The following HYOU1 variants were observed in gnomAD, a reference collection of about 807,000 sequenced individuals.
HYOU1 encodes hypoxia up-regulated 1, also known as hypoxia up-regulated protein 1.
Under a neutral mutation model 120.5 loss-of-function variants are expected in HYOU1, and 40 were observed. That is an observed-to-expected ratio of 0.33 (90% confidence interval 0.26 to 0.43). HYOU1 has a LOEUF of 0.43. Ranked by LOEUF, HYOU1 falls within the 20% of genes least tolerant of loss-of-function variation. The pLI is 1.00. For synonymous variants in HYOU1, 501 were observed against 479.4 expected, an observed-to-expected ratio of 1.05 and a Z score of -0.59; for missense variants, 1,085 against 1,278.3, an observed-to-expected ratio of 0.85 and a Z score of 2.31.
At position 119,052,873 on chromosome 11, in the gene HYOU1, A is replaced by G. The variant is rs2133596430; in HGVS notation, c.795-44T>C. 1.3e-6 allele frequency: 2 copies of G among 1,558,724 alleles called. No homozygotes were observed. Among genetic ancestry groups the G allele is most frequent in the Admixed American group, 3.6e-5 (2 of 55,000 alleles). ...AGGGAAAAAAGTGAAGAACACATGGAGTCCCCGCATCTGCACAGGAGCCTC... is the reference window on the plus strand; with the variant it reads ...AGGGAAAAAAGTGAAGAACACATGGGGTCCCCGCATCTGCACAGGAGCCTC... On this transcript the variant is annotated intron_variant, in intron 8 of 25. Transcript: ENST00000617285. The surrounding 1 kb of genome is among the most constrained non-coding windows in gnomAD (Gnocchi z 5.0).
At position 119,048,868 on chromosome 11, in the gene HYOU1, CTGCCTT is replaced by C; in HGVS notation, c.2005_2010del (p.Lys669_Ala670del). ...GGAGCGACGCCCTCAGGCCCTGCCTCTGCCTTCTCACTTGGTTTCTGGGTGGGAAGA... is the reference window on the plus strand; with the variant it reads ...GGAGCGACGCCCTCAGGCCCTGCCTCCTCACTTGGTTTCTGGGTGGGAAGA... On this transcript the variant is annotated inframe_deletion, in exon 18 of 26. Transcript: ENST00000617285. The surrounding 1 kb of genome is among the most constrained non-coding windows in gnomAD (Gnocchi z 4.7). 3 of 1,608,412 alleles carry C rather than the reference CTGCCTT, an allele frequency of 1.9e-6. No homozygotes were observed. The highest frequency in any genetic ancestry group is 2.5e-6 in the Non-Finnish European group (3 of 1,177,720).
At chr11:119,050,516 A>T (rs1315348209) in intron 14 of HYOU1, among the ~76,000 whole-genome samples, 1 of 34 alleles carries the variant, frequency 0.029, no homozygotes, top group Admixed American at 0.17. Flanking sequence ...CAGGAGTTAG[A>T]GACCAGTCTG....
rs2133582973 is a variant in HYOU1 at position 119,051,175 on chromosome 11, T to A, written c.1527-2A>T. Reference sequence around the variant, plus strand: ...GTCAGATTCTGGGAGCCAAATACCCTGGTTGGGAAGGAAAGAGGAGTTCAG... The same window carrying A: ...GTCAGATTCTGGGAGCCAAATACCCAGGTTGGGAAGGAAAGAGGAGTTCAG... On this transcript the variant is annotated splice_acceptor_variant, in intron 13 of 25. Coordinates refer to ENST00000617285, the MANE Select transcript of HYOU1 (RefSeq NM_006389.5). LOFTEE classifies it high-confidence loss of function. The surrounding 1 kb of genome is among the most constrained non-coding windows in gnomAD (Gnocchi z 4.2). The A allele has an allele frequency of 6.2e-7, 1 of 1,614,210 alleles. No individual in the cohort carries two copies.
At chr11:119,054,294 C>G (rs1944623959) in intron 7 of HYOU1, 58 bp from the exon 8 acceptor site, 1 of 1,398,408 alleles carries the variant, frequency 7.2e-7, no homozygotes, top group East Asian at 2.3e-5. Context: ...GGGGGCCTGC[C>G]TGCCCACCCA....
chr11:119,048,993 C>A lies in HYOU1; in HGVS notation c.1992+25G>T. 1.2e-6 allele frequency: 2 copies of A among 1,613,462 alleles called. No individual in the cohort carries two copies. Among genetic ancestry groups the A allele is most frequent in the East Asian group, 2.2e-5 (1 of 44,886 alleles). ...TGCTCCCTTAGCCTCTGGATCCACA[C>A]TGGCCTTCCTCTGCCACAGCTCACC... On this transcript the variant is annotated intron_variant, in intron 17 of 25. Transcript: ENST00000617285. This position sits in a 1 kb window ranked among gnomAD's most constrained non-coding sequence, Gnocchi z 4.7.
Position 119,055,857 on chromosome 11 carries a change from A to C in HYOU1, c.92-14T>G. The C allele has an allele frequency of 6.2e-7, 1 of 1,609,042 alleles. No individual in the cohort carries two copies. Among genetic ancestry groups the C allele is most frequent in the Non-Finnish European group, 8.5e-7 (1 of 1,175,336 alleles). ...CTGCCAGTGTATCTGAAGGGAAAAG[A>C]GGTTTGTCAGTTAGCTCTCCCTTCG... On this transcript the variant is annotated splice_polypyrimidine_tract_variant and intron_variant, in intron 2 of 25. Transcript: ENST00000617285. The surrounding 1 kb of genome is among the most constrained non-coding windows in gnomAD (Gnocchi z 4.0).
In HYOU1 at chr11:119,048,968, T is replaced by A. The variant is rs1944249683; in HGVS notation, c.1992+50A>T. ...CAAGGCCAGAAACAAGGCAGGCGCCTGCTCCCTTAGCCTCTGGATCCACAC... is the reference window on the plus strand; with the variant it reads ...CAAGGCCAGAAACAAGGCAGGCGCCAGCTCCCTTAGCCTCTGGATCCACAC... On this transcript the variant is annotated intron_variant, in intron 17 of 25. Transcript: ENST00000617285. The surrounding 1 kb of genome is among the most constrained non-coding windows in gnomAD (Gnocchi z 4.7). 6.2e-7 allele frequency: 1 copy of A among 1,611,982 alleles called. No homozygotes were observed. The highest frequency in any genetic ancestry group is 8.5e-7 in the Non-Finnish European group (1 of 1,178,644).
Position 119,045,006 on chromosome 11 carries a change from C to A in HYOU1, c.*587G>T, listed in dbSNP as rs146320919. 3.9e-4 allele frequency: 166 copies of A among 422,576 alleles called. No individual in the cohort carries two copies. The East Asian group carries it at 6.6e-3, about 17-fold the overall frequency. The allele number at this position is 422,576 out of a possible 1,614,324, so 26.2% of individuals were successfully genotyped here. On this transcript the variant is annotated 3_prime_UTR_variant, in exon 26 of 26. Coordinates refer to ENST00000617285, the MANE Select transcript of HYOU1 (RefSeq NM_006389.5). The stretch of plus-strand genomic sequence containing the variant: ...AAGGGGCAGAGAACTGCCCAATTTG[C>A]TGCAGGAAGCCAAGGAAACCCAGGG...
In HYOU1 at chr11:119,055,223, G is replaced by GA. The variant is rs1328622663; in HGVS notation, c.380dup (p.Asp128ArgfsTer20). On this transcript the variant is annotated frameshift_variant, in exon 5 of 26. Transcript: ENST00000617285. LOFTEE classifies it high-confidence loss of function. The surrounding 1 kb of genome is among the most constrained non-coding windows in gnomAD (Gnocchi z 4.0). Reference sequence around the variant, plus strand: ...AGTGCACAGTCTGCCTCTGTGGGTCGAAAGTCAGCTCGTGCTCCGGGAAGC... The same window carrying GA: ...AGTGCACAGTCTGCCTCTGTGGGTCGAAAAGTCAGCTCGTGCTCCGGGAAGC... 9 of 1,614,000 alleles carry GA rather than the reference G, an allele frequency of 5.6e-6. No homozygotes were observed. The highest frequency in any genetic ancestry group is 6.8e-6 in the Non-Finnish European group (8 of 1,180,022).
In HYOU1 at chr11:119,048,892, T is replaced by G; in HGVS notation, c.1993-6A>C. On this transcript the variant is annotated splice_region_variant and splice_polypyrimidine_tract_variant and intron_variant, in intron 17 of 25. Transcript: ENST00000617285. This position sits in a 1 kb window ranked among gnomAD's most constrained non-coding sequence, Gnocchi z 4.7. ...TCTGCCTTCTCACTTGGTTTCTGGG[T>G]GGGAAGAGTCAGGGGTGTCAGGAAA... 1 of 1,605,108 alleles carries G rather than the reference T, an allele frequency of 6.2e-7. No individual in the cohort carries two copies. The highest frequency in any genetic ancestry group is 1.3e-5 in the African/African-American group (1 of 74,520).
intron 8 of HYOU1, chr11:119,053,115 C>T: frequency 2.7e-6 from 1 of 375,416 alleles, no homozygotes; most frequent in East Asian, 4.5e-5. Flanking sequence ...AGACAGGGTC[C>T]CTGCTATGGA....
rs2133605521 is a variant in HYOU1, at chr11:119,054,519, C to T, written c.653G>A (p.Arg218Gln). The change falls in exon 7 of 26, where the codon CGG becomes CAG. Residue 218 changes from arginine (R) to glutamine (Q), a missense_variant. Physicochemically the swap from Arg to Gln is conservative, Grantham distance 43. Transcript: ENST00000617285. ...ATALSYGVFR[R>Q]KDINTTAQNI... ...CTGGGCAGTGGTGTTAATATCTTTCCGGCGGAAGACACCATAGCTGAGGGC... is the reference window on the plus strand; with the variant it reads ...CTGGGCAGTGGTGTTAATATCTTTCTGGCGGAAGACACCATAGCTGAGGGC... 1.8e-5 allele frequency: 29 copies of T among 1,614,016 alleles called. No homozygotes were observed. Among genetic ancestry groups the T allele is most frequent in the Admixed American group, 8.3e-5 (5 of 59,994 alleles).
Position 119,049,103 on chromosome 11 carries a change from G to T in HYOU1, c.1907C>A (p.Pro636His). ...AEAPVEDGSQ[P>H]PPPEPKGDAT... is the part of the protein sequence containing the mutation. Reference sequence around the variant, plus strand: ...ATCTCCCTTAGGTTCAGGGGGTGGGGGCTGAGAGCCATCCTCCACTGGGGC... The same window carrying T: ...ATCTCCCTTAGGTTCAGGGGGTGGGTGCTGAGAGCCATCCTCCACTGGGGC... The change falls in exon 17 of 26, where the codon CCC becomes CAC. Residue 636 changes from proline (P) to histidine (H), a missense_variant. Around this residue, in one of 4 missense-constraint regions of HYOU1, gnomAD observed 516 missense variants for 517.1 expected, o/e 1.00. Transcript: ENST00000617285. 1 of 1,614,032 alleles carries T rather than the reference G, an allele frequency of 6.2e-7. No homozygotes were observed. Among genetic ancestry groups the T allele is most frequent in the Non-Finnish European group, 8.5e-7 (1 of 1,179,994 alleles).
In HYOU1 at chr11:119,048,071, C is replaced by T. The variant is rs2133560702; in HGVS notation, c.2386G>A (p.Glu796Lys). Residue 796 changes from glutamate (E) to lysine (K), a missense_variant, in exon 21 of 26, where the codon GAG becomes AAG. Physicochemically the swap from Glu to Lys is moderately conservative, Grantham distance 56. This residue lies in a region of HYOU1 where 516 missense variants were observed against 517.1 expected (regional missense o/e 1.00). Coordinates refer to ENST00000617285, the MANE Select transcript of HYOU1 (RefSeq NM_006389.5). The surrounding 1 kb of genome is among the most constrained non-coding windows in gnomAD (Gnocchi z 4.7). ...GVGATTVMLKEKLAELRKLCQ... is the reference protein window; with the variant it reads ...GVGATTVMLKKKLAELRKLCQ... ...AGCTTCCTCAGCTCAGCCAGCTTCT[C>T]CTTCAACATCTGATGGATGTGCGAT... is the stretch of plus-strand genomic sequence containing the variant. 1.2e-6 allele frequency: 2 copies of T among 1,614,192 alleles called. No homozygotes were observed. The highest frequency in any genetic ancestry group is 3.3e-5 in the Admixed American group (2 of 60,036).
chr11:119,049,266 T>A, intron 16 of HYOU1, 63 bp from the exon 17 acceptor site: 1 of 1,592,244 alleles, frequency 6.3e-7, no homozygotes, highest in Middle Eastern at 1.7e-4. Context: ...CAGGCCTGGC[T>A]CGGCACCGCC....
Position 119,051,763 on chromosome 11 carries a change from A to G in HYOU1, c.1338+56T>C, listed in dbSNP as rs1241627992. On this transcript the variant is annotated intron_variant, in intron 12 of 25. Transcript: ENST00000617285. This position sits in a 1 kb window ranked among gnomAD's most constrained non-coding sequence, Gnocchi z 4.2. ...TGAGCCAGAGCAGACAGAAGGGGAA[A>G]CCCTACTTGGGAGAGGTAAAGGGAG... is the stretch of plus-strand genomic sequence containing the variant. 3 of 1,607,202 alleles carry G rather than the reference A, an allele frequency of 1.9e-6. No homozygotes were observed. The highest frequency in any genetic ancestry group is 2.6e-6 in the Non-Finnish European group (3 of 1,174,456).
chr11:119,051,233 A>G lies in HYOU1; in HGVS notation c.1527-60T>C, dbSNP rs1944419438. The G allele has an allele frequency of 1.9e-6, 3 of 1,602,296 alleles. No individual in the cohort carries two copies. ...CACCCCAGCCCATCTCGCCCTCTAG[A>G]CTACATGGCCTCCTGGCACAAGGTG... is the stretch of plus-strand genomic sequence containing the variant. On this transcript the variant is annotated intron_variant, in intron 13 of 25. Coordinates refer to ENST00000617285, the MANE Select transcript of HYOU1 (RefSeq NM_006389.5). The surrounding 1 kb of genome is among the most constrained non-coding windows in gnomAD (Gnocchi z 4.2).
intron 22 of HYOU1, chr11:119,047,332 C>A: frequency 4.5e-6 from 1 of 222,136 alleles, no homozygotes. Flanking sequence ...CAGGCGTGAG[C>A]CACCGCGCCC....
Position 119,052,600 on chromosome 11 carries a change from G to A in HYOU1, c.987+37C>T. On this transcript the variant is annotated intron_variant, in intron 9 of 25. Transcript: ENST00000617285. This position sits in a 1 kb window ranked among gnomAD's most constrained non-coding sequence, Gnocchi z 5.0. ...GGCAGGGTCCCCCACCCTCTACGTG[G>A]GACAAAATATAGCCTCAACCAGCCA... The A allele has an allele frequency of 6.3e-7, 1 of 1,591,180 alleles. No homozygotes were observed. The highest frequency in any genetic ancestry group is 8.6e-7 in the Non-Finnish European group (1 of 1,166,666).
Sources: allele counts gnomAD v4.1 joint callset (sites outside exome capture counted in the v4.1 genomes callset), GRCh38; gene constraint gnomAD v4.1.1; regional missense constraint gnomAD v4.1.1; non-coding constraint Gnocchi (gnomAD v3.1); transcripts MANE v1.5; gene names NCBI Gene and HGNC (gene_info 2026-07-23, HGNC 2026-07-21).